Variants in MTRR observed in about 807,000 individuals in gnomAD.
MTRR encodes the protein 5-methyltetrahydrofolate-homocysteine methyltransferase reductase, also known as methionine synthase reductase.
In MTRR, 63 loss-of-function variants were observed where a neutral mutation model predicts 79.2. The ratio of observed to expected loss-of-function variants is 0.80; its 90% CI spans 0.65 to 0.98. MTRR has a LOEUF of 0.98. Among genes scored for constraint, MTRR ranks in the 50% least tolerant of loss-of-function variants. The probability of loss-of-function intolerance (pLI) is 0.00; values close to 1 mark genes in which losing one functional copy is unlikely to be tolerated. For missense variants in MTRR, 895 were observed against 839.6 expected (o/e 1.07, Z -0.82); for synonymous variants, 355 against 313.3 (o/e 1.13, Z -1.41).
At chr5:7,859,572 T>A (rs774850217) in intron 1 of MTRR, 5 of 1,362,052 alleles carry the variant, frequency 3.7e-6, no homozygotes, top group Non-Finnish European at 5.2e-6. Flanking sequence ...CTGGTCAAGA[T>A]CCTTCAAAAT....
rs1737827675 is a variant in MTRR at position 7,892,776 on chromosome 5, G to A, written c.1420G>A (p.Glu474Lys). ...GCTCCATTTTGTCTTCAACATTGTG[G>A]AATTTCTGTCTACTGCCACAACAGA... is the stretch of plus-strand genomic sequence containing the variant. ...GKLHFVFNIV[E>K]FLSTATTEVL... Residue 474 changes from glutamate (E) to lysine (K), a missense_variant, in exon 11 of 15, where the codon GAA becomes AAA. By Grantham distance (56) the Glu-to-Lys change is moderately conservative. Transcript: ENST00000440940. 3 of 1,614,068 alleles carry A rather than the reference G, an allele frequency of 1.9e-6. No homozygotes were observed. The highest frequency in any genetic ancestry group is 3.3e-5 in the Admixed American group (2 of 60,006).
At chr5:7,869,068 C>T, upstream of MTRR, 2 of 1,576,398 alleles carry the variant, frequency 1.3e-6, no homozygotes, top group Middle Eastern at 1.7e-4. Flanking sequence ...GAGCACGACT[C>T]AGGGCGGCGC....
chr5:7,866,501 C>A, upstream of MTRR: 1 of 656,774 alleles, frequency 1.5e-6, no homozygotes, highest in East Asian at 2.6e-5. Context: ...TGTGTTTATG[C>A]CAGCATCTGT....
chr5:7,887,764 GTA>G (rs1385550605), intron 8 of MTRR, among the ~76,000 whole-genome samples: 2 of 139,298 alleles, frequency 1.4e-5, no homozygotes, highest in Non-Finnish European at 1.5e-5. Context: ...ATATGTGTGT[GTA>G]TGTATATATT....
At chr5:7,861,070 CT>C in intron 1 of MTRR, 1 of 885,386 alleles carries the variant, frequency 1.1e-6, no homozygotes. Context: ...CCTCAGATTA[CT>C]TTTTAAAAGT....
Position 7,873,488 on chromosome 5 carries a change from C to A in MTRR, c.245C>A (p.Pro82Gln), listed in dbSNP as rs747303076. The A allele has an allele frequency of 2.5e-6, 4 of 1,614,000 alleles. No individual in the cohort carries two copies. The Admixed American group carries it at 5.0e-5, about 20-fold the overall frequency. The change falls in exon 3 of 15, where the codon CCG becomes CAG. Residue 82 changes from proline (P) to glutamine (Q), a missense_variant. Pro to Gln is a moderately conservative substitution (Grantham distance 76). Coordinates refer to ENST00000440940, the MANE Select transcript of MTRR (RefSeq NM_002454.3). Reference sequence around the variant, plus strand: ...AAGGAAATACAGAACCAAACACTGCCGGTTGATTTCTTTGCTCACCTGCGG... The same window carrying A: ...AAGGAAATACAGAACCAAACACTGCAGGTTGATTTCTTTGCTCACCTGCGG... ...FVKEIQNQTL[P>Q]VDFFAHLRYG...
chr5:7,870,992 T>C, intron 2 of MTRR, 69 bp downstream of exon 2: 2 of 1,587,056 alleles, frequency 1.3e-6, no homozygotes, highest in South Asian at 1.1e-5. Flanking sequence ...GTGATATTTA[T>C]GAAACAAAAG....
At chr5:7,877,287 T>A (rs905773377) in intron 4 of MTRR, among the ~76,000 whole-genome samples, 2 of 152,206 alleles carry the variant, frequency 1.3e-5, no homozygotes, top group Non-Finnish European at 2.9e-5. Context: ...CTGCCACATT[T>A]AAAAAATCTA....
chr5:7,869,271 C>T lies in MTRR; in HGVS notation c.-26+56C>T, dbSNP rs1747421107. On this transcript the variant is annotated intron_variant, in intron 1 of 14. Transcript: ENST00000440940. Reference sequence around the variant, plus strand: ...TTCCGGCCGCTCGCCCTGCACTAATCTCCTGGGAGAGGCGGCCCGGGGCGG... The same window carrying T: ...TTCCGGCCGCTCGCCCTGCACTAATTTCCTGGGAGAGGCGGCCCGGGGCGG... 4.4e-6 allele frequency: 7 copies of T among 1,574,608 alleles called. No homozygotes were observed. The Admixed American group carries it at 1.2e-4, about 27-fold the overall frequency.
At chr5:7,861,730 T>C in intron 1 of MTRR, 1 of 1,542,270 alleles carries the variant, frequency 6.5e-7, no homozygotes, top group Non-Finnish European at 8.7e-7. Context: ...TCCTTTGCTT[T>C]GCTTTGATTC....
chr5:7,879,700 T>G (rs550874327), intron 5 of MTRR, among the ~76,000 whole-genome samples: 29 of 152,264 alleles, frequency 1.9e-4, no homozygotes, highest in African/African-American at 6.7e-4. Flanking sequence ...GGAAGCAGGA[T>G]TGGGCACAGT....
intron 7 of MTRR, 124 bp from the exon 8 acceptor site, chr5:7,886,491 A>G: frequency 1.3e-6 from 1 of 782,724 alleles, no homozygotes; most frequent in Non-Finnish European, 2.2e-6. Flanking sequence ...AAACATTGCC[A>G]CAAGTCATGT....
At chr5:7,894,039 A>C (rs1244771050) in intron 11 of MTRR, among the ~76,000 whole-genome samples, 1 of 152,210 alleles carries the variant, frequency 6.6e-6, no homozygotes, top group Non-Finnish European at 1.5e-5. Flanking sequence ...CATTAAAAAC[A>C]ATGTGTGTCC....
chr5:7,882,811 C>T (rs776059777), intron 5 of MTRR, among the ~76,000 whole-genome samples: 1 of 152,196 alleles, frequency 6.6e-6, no homozygotes, highest in Non-Finnish European at 1.5e-5. Flanking sequence ...ACATCTGTCA[C>T]ATTCTTCAAG....
At chr5:7,861,796 A>G in intron 1 of MTRR, 1 of 1,380,340 alleles carries the variant, frequency 7.2e-7, no homozygotes, top group South Asian at 1.8e-5. Context: ...GACCACAACC[A>G]AACAATGGTG....
intron 2 of MTRR, among the ~76,000 whole-genome samples, chr5:7,862,464 C>T (rs2126596370): frequency 6.6e-6 from 1 of 152,186 alleles, no homozygotes; most frequent in Middle Eastern, 3.4e-3. Flanking sequence ...CAGTACAAGC[C>T]TAGGTTATAG....
At chr5:7,869,649 C>A in intron 1 of MTRR, 1 of 222,458 alleles carries the variant, frequency 4.5e-6, no homozygotes, top group Non-Finnish European at 9.1e-6. Context: ...CGGCCGTGAG[C>A]TCTGCCCACC....
Position 7,891,415 on chromosome 5 carries a change from G to GTAC in MTRR, c.1370+7_1370+9dup. 1.2e-6 allele frequency: 2 copies of GTAC among 1,607,350 alleles called. No homozygotes were observed. The highest frequency in any genetic ancestry group is 1.7e-6 in the Non-Finnish European group (2 of 1,175,938). Reference sequence around the variant, plus strand: ...AACCCAGACCATATTCGTGTGCAAGGTACTACTATTTATTCACGTAATATA... The same window carrying GTAC: ...AACCCAGACCATATTCGTGTGCAAGGTACTACTACTATTTATTCACGTAATATA... On this transcript the variant is annotated splice_donor_variant, in intron 10 of 14. Transcript: ENST00000440940. LOFTEE classifies it high-confidence loss of function.
intron 1 of MTRR, among the ~76,000 whole-genome samples, chr5:7,855,631 C>A (rs1338650371): frequency 1.3e-5 from 2 of 152,126 alleles, no homozygotes; most frequent in Non-Finnish European, 2.9e-5. Context: ...ACTGGGAATA[C>A]AACATGAGCC....
Sources: allele counts gnomAD v4.1 joint callset (sites outside exome capture counted in the v4.1 genomes callset), GRCh38; gene constraint gnomAD v4.1.1; transcripts MANE v1.5; gene names NCBI Gene and HGNC (gene_info 2026-07-23, HGNC 2026-07-21).